DCC: variants seen among roughly 807,000 people sequenced by gnomAD.
DCC encodes the protein DCC netrin 1 receptor, also known as netrin receptor DCC.
Under a neutral mutation model 172.5 loss-of-function variants are expected in DCC, and 58 were observed. That is an observed-to-expected ratio of 0.34 (90% CI 0.27 to 0.42). DCC has a LOEUF of 0.42. Among genes scored for constraint, DCC ranks in the 10% least tolerant of loss-of-function variants. DCC has a pLI of 1.00. For missense variants in DCC, 1,740 were observed against 1,791.0 expected, an observed-to-expected ratio of 0.97 and a Z score of 0.51; for synonymous variants, 709 against 644.5, an observed-to-expected ratio of 1.10 and a Z score of -1.52.
At chr18:52,807,655 T>C in intron 2 of DCC, among the ~76,000 whole-genome samples, 1 of 150,266 alleles carries the variant, frequency 6.7e-6, no homozygotes, top group South Asian at 2.2e-4. Context: ...TAAATATCAG[T>C]CTAAAATAAA....
In DCC at chr18:52,471,431, T is replaced by C. The variant is rs182331906; in HGVS notation, c.91+130553T>C. 4.2e-3 allele frequency among the ~76,000 whole-genome samples: 636 copies of C among 152,372 alleles called. 2 individuals are homozygous for C. The highest frequency in any genetic ancestry group is 7.4e-3 in the Non-Finnish European group (501 of 68,038). On this transcript the variant is annotated intron_variant, in intron 1 of 28. Transcript: ENST00000442544. ...CCTTTTTCATCAGTTTGTATCATTA[T>C]GGAGGGTTATCACTTATGCTTCAGC... is the stretch of plus-strand genomic sequence containing the variant.
At chr18:52,963,091 T>G (rs975695233) in intron 5 of DCC, among the ~76,000 whole-genome samples, 1 of 147,778 alleles carries the variant, frequency 6.8e-6, no homozygotes, top group African/African-American at 2.7e-5. Context: ...CCCTAAAACT[T>G]AAATTATAAT....
At chr18:53,479,885 C>T (rs2045811491) in intron 25 of DCC, among the ~76,000 whole-genome samples, 1 of 152,150 alleles carries the variant, frequency 6.6e-6, no homozygotes, top group South Asian at 2.1e-4. Context: ...CTATCTCACA[C>T]AAGGTTTTGG....
intron 1 of DCC, among the ~76,000 whole-genome samples, chr18:52,736,280 TA>T (rs11442996): frequency 2.5e-3 from 330 of 131,782 alleles, no homozygotes; most frequent in Middle Eastern, 7.8e-3. Flanking sequence ...ACTGTAAACA[TA>T]AAAAAAAAAA....
At chr18:52,870,107 CT>C (rs1417249392) in intron 2 of DCC, among the ~76,000 whole-genome samples, 1 of 152,172 alleles carries the variant, frequency 6.6e-6, no homozygotes. Context: ...GGGCAGCAGG[CT>C]CTCGGGGGTG....
chr18:53,374,799 A>C (rs571023193), intron 15 of DCC, among the ~76,000 whole-genome samples: 2 of 152,338 alleles, frequency 1.3e-5, no homozygotes, highest in Admixed American at 1.3e-4. Flanking sequence ...ACATACTGTG[A>C]TGTTAGGAGA....
At chr18:53,148,089 A>AT (rs2043942646) in intron 7 of DCC, among the ~76,000 whole-genome samples, 1 of 152,256 alleles carries the variant, frequency 6.6e-6, no homozygotes, top group East Asian at 1.9e-4. Context: ...TGATAAAATT[A>AT]TTTTTTTCCT....
chr18:52,698,828 C>T (rs909625194), intron 1 of DCC, among the ~76,000 whole-genome samples: 3 of 144,868 alleles, frequency 2.1e-5, no homozygotes, highest in Non-Finnish European at 1.5e-5. Context: ...CCAGGCTAGT[C>T]TCAAACTCCT....
At chr18:52,472,758 A>C (rs1988983154) in intron 1 of DCC, among the ~76,000 whole-genome samples, 1 of 152,102 alleles carries the variant, frequency 6.6e-6, no homozygotes, top group East Asian at 1.9e-4. Flanking sequence ...TTTAAAAATT[A>C]GCCGGGTAAG....
intron 2 of DCC, among the ~76,000 whole-genome samples, chr18:52,841,973 T>G (rs1404037070): frequency 2.7e-5 from 4 of 148,936 alleles, no homozygotes; most frequent in Non-Finnish European, 1.5e-5. Context: ...AGATTAAAGT[T>G]TGAGGATATT....
chr18:53,150,127 A>G (rs1202653807), intron 7 of DCC, among the ~76,000 whole-genome samples: 1 of 152,228 alleles, frequency 6.6e-6, no homozygotes, highest in Non-Finnish European at 1.5e-5. Flanking sequence ...AGGCTGTGAT[A>G]TATTTCCCCT....
intron 25 of DCC, among the ~76,000 whole-genome samples, chr18:53,471,166 G>T (rs557490440): frequency 3.0e-4 from 46 of 152,042 alleles, no homozygotes; most frequent in Admixed American, 1.3e-3. Flanking sequence ...AAAACTATTC[G>T]TATTTTTTGT....
chr18:52,902,682 C>T (rs1032636911), intron 2 of DCC, among the ~76,000 whole-genome samples: 5 of 152,000 alleles, frequency 3.3e-5, no homozygotes, highest in Admixed American at 6.6e-5. Flanking sequence ...ATAATTTCTT[C>T]TTCTTTTAAG....
intron 12 of DCC, among the ~76,000 whole-genome samples, chr18:53,216,517 A>G (rs1280961067): frequency 1.3e-5 from 2 of 152,192 alleles, no homozygotes; most frequent in Non-Finnish European, 1.5e-5. Flanking sequence ...ATGTTTAAGT[A>G]TCCTAAGAAT....
Position 52,359,390 on chromosome 18 carries a change from T to G in DCC, c.91+18512T>G, listed in dbSNP as rs151209370. 8.2e-4 allele frequency among the ~76,000 whole-genome samples: 125 copies of G among 152,340 alleles called. 2 individuals are homozygous for G. In the East Asian group the frequency reaches 0.023, roughly 28 times the overall value. The stretch of plus-strand genomic sequence containing the variant: ...TTTAATACAGAAGAATATCCCATTT[T>G]AAGTAGCAATGTGCTAGCTCAAAGA... On this transcript the variant is annotated intron_variant, in intron 1 of 28. Coordinates refer to ENST00000442544, the MANE Select transcript of DCC (RefSeq NM_005215.4).
intron 12 of DCC, among the ~76,000 whole-genome samples, chr18:53,298,668 C>T (rs979476709): frequency 2.7e-5 from 4 of 150,058 alleles, no homozygotes; most frequent in Non-Finnish European, 4.4e-5. Flanking sequence ...TCCTTTTCAA[C>T]TTGAATTTAT....
At chr18:53,133,548 C>A (rs1405199961) in intron 7 of DCC, among the ~76,000 whole-genome samples, 1 of 152,140 alleles carries the variant, frequency 6.6e-6, no homozygotes, top group African/African-American at 2.4e-5. Context: ...TGGTTTTGAT[C>A]CCTTAACCTA....
At chr18:53,206,154 A>ATTAT (rs1325305665) in intron 10 of DCC, among the ~76,000 whole-genome samples, 3 of 141,962 alleles carry the variant, frequency 2.1e-5, no homozygotes, top group African/African-American at 5.1e-5. Context: ...TATATTATAT[A>ATTAT]ATACATATAT....
chr18:53,116,631 T>TACTCTTGGG (rs1165641763), intron 7 of DCC, among the ~76,000 whole-genome samples: 7 of 151,814 alleles, frequency 4.6e-5, no homozygotes, highest in Admixed American at 1.3e-4. Context: ...AACATGAAAG[T>TACTCTTGGG]ACTCTTGGGT....
Sources: gnomAD v4.1 joint callset for allele counts (sites outside exome capture counted in the v4.1 genomes callset) on GRCh38, gnomAD v4.1.1 for gene constraint, MANE v1.5 for transcripts, NCBI Gene and HGNC (gene_info 2026-07-23, HGNC 2026-07-21) for gene names.